Variants in BFSP2 observed in about 807,000 individuals in gnomAD.
BFSP2 encodes phakinin.
Under a neutral mutation model 44.9 loss-of-function variants are expected in BFSP2, and 38 were observed. The ratio of observed to expected loss-of-function variants is 0.85; its 90% CI spans 0.65 to 1.11. BFSP2 has a LOEUF of 1.11. Among genes scored for constraint, BFSP2 ranks in the 50% least tolerant of loss-of-function variants. The pLI is 0.00. For synonymous variants in BFSP2, 197 were observed against 209.9 expected, an observed-to-expected ratio of 0.94 and a Z score of 0.53; for missense variants, 525 against 533.0, an observed-to-expected ratio of 0.99 and a Z score of 0.15.
chr3:133,451,266 T>C (rs2073962665), intron 4 of BFSP2, among the ~76,000 whole-genome samples: 1 of 152,156 alleles, frequency 6.6e-6, no homozygotes, highest in Non-Finnish European at 1.5e-5. Context: ...TATCAGGCAG[T>C]TATTAGAATT....
intron 1 of BFSP2, among the ~76,000 whole-genome samples, chr3:133,440,143 G>A (rs1232565866): frequency 1.3e-5 from 2 of 152,166 alleles, no homozygotes; most frequent in Non-Finnish European, 2.9e-5. Flanking sequence ...CCATGTGCAG[G>A]GGAACTTCCC....
At chr3:133,431,754 T>A (rs2073722263) in intron 1 of BFSP2, among the ~76,000 whole-genome samples, 1 of 152,132 alleles carries the variant, frequency 6.6e-6, no homozygotes, top group African/African-American at 2.4e-5. Flanking sequence ...CTTGCCTCCA[T>A]AACTGTTGTG....
intron 2 of BFSP2, 101 bp downstream of exon 2, chr3:133,447,500 T>G: frequency 8.2e-7 from 1 of 1,214,414 alleles, no homozygotes; most frequent in East Asian, 2.5e-5. Flanking sequence ...ACCTTCTACC[T>G]CAGGGGAAGC....
At chr3:133,461,879 T>A (rs2074066800) in intron 4 of BFSP2, among the ~76,000 whole-genome samples, 1 of 152,238 alleles carries the variant, frequency 6.6e-6, no homozygotes, top group African/African-American at 2.4e-5. Context: ...TACTTATTTA[T>A]CTCCCCTTTC....
intron 4 of BFSP2, among the ~76,000 whole-genome samples, chr3:133,459,338 C>T (rs923255494): frequency 5.9e-5 from 9 of 152,076 alleles, no homozygotes; most frequent in African/African-American, 2.2e-4. Flanking sequence ...GGTGAGACCC[C>T]GTCTCAAAAT....
chr3:133,433,152 T>C (rs1212550130), intron 1 of BFSP2, among the ~76,000 whole-genome samples: 3 of 152,208 alleles, frequency 2.0e-5, no homozygotes, highest in Non-Finnish European at 2.9e-5. Context: ...TCCCACATTA[T>C]TCCTGATACC....
intron 1 of BFSP2, among the ~76,000 whole-genome samples, chr3:133,446,754 C>T (rs1258900406): frequency 6.7e-6 from 1 of 149,818 alleles, no homozygotes; most frequent in African/African-American, 2.5e-5. Context: ...CATGAAACCC[C>T]TAAACTATAT....
In BFSP2 at chr3:133,446,598, AT is replaced by A. The variant is rs1292810409; in HGVS notation, c.490-718del. Among the ~76,000 whole-genome samples, 12 of 32,422 alleles carry A rather than the reference AT, an allele frequency of 3.7e-4. 1 individual carries two copies. Among genetic ancestry groups the A allele is most frequent in the African/African-American group, 1.9e-3 (12 of 6,230 alleles). The allele number at this position is 32,422 out of a possible 152,430, so 21.3% of individuals were successfully genotyped here. ...TATATATATATATATATATATATAT[AT>A]ATATATATATATATATATATATATA... On this transcript the variant is annotated intron_variant, in intron 1 of 6. Transcript: ENST00000302334.
At chr3:133,423,569 G>A (rs1264389337) in intron 1 of BFSP2, among the ~76,000 whole-genome samples, 3 of 151,254 alleles carry the variant, frequency 2.0e-5, no homozygotes, top group Non-Finnish European at 4.4e-5. Context: ...AGGCGGCGGG[G>A]GCGGGGGTAG....
chr3:133,453,598 G>C (rs903003883), intron 4 of BFSP2, among the ~76,000 whole-genome samples: 3 of 152,194 alleles, frequency 2.0e-5, no homozygotes, highest in Non-Finnish European at 4.4e-5. Flanking sequence ...AAACGGTATA[G>C]ACTACAGGAG....
intron 1 of BFSP2, among the ~76,000 whole-genome samples, chr3:133,413,596 C>A (rs2073476937): frequency 6.6e-6 from 1 of 151,996 alleles, no homozygotes; most frequent in Non-Finnish European, 1.5e-5. Context: ...TCAATTTAGG[C>A]AAATAAAACC....
At chr3:133,433,781 C>T (rs1294685448) in intron 1 of BFSP2, among the ~76,000 whole-genome samples, 1 of 152,342 alleles carries the variant, frequency 6.6e-6, no homozygotes, top group South Asian at 2.1e-4. Flanking sequence ...CACACCTCAC[C>T]AAGCTCAGCC....
At chr3:133,453,235 T>C (rs953494122) in intron 4 of BFSP2, among the ~76,000 whole-genome samples, 3 of 152,254 alleles carry the variant, frequency 2.0e-5, no homozygotes, top group Non-Finnish European at 4.4e-5. Context: ...CATTTGCCCA[T>C]CCTGAGCATC....
At chr3:133,406,895 C>T (rs1413207085) in intron 1 of BFSP2, among the ~76,000 whole-genome samples, 9 of 152,046 alleles carry the variant, frequency 5.9e-5, no homozygotes, top group Admixed American at 5.9e-4. Flanking sequence ...TGAAGTAGCA[C>T]GTTATAAAAT....
intron 3 of BFSP2, among the ~76,000 whole-genome samples, chr3:133,449,503 TGTTTGTTTG>T (rs1396132486): frequency 4.0e-3 from 26 of 6,462 alleles, no homozygotes; most frequent in Non-Finnish European, 0.031. Flanking sequence ...TGTGGTTTTT[TGTTTGTTTG>T]TTTGTTTGTT....
At chr3:133,409,482 G>A (rs1425970213) in intron 1 of BFSP2, among the ~76,000 whole-genome samples, 1 of 152,054 alleles carries the variant, frequency 6.6e-6, no homozygotes, top group African/African-American at 2.4e-5. Context: ...AGAAGCAATG[G>A]CCAACTTAGC....
Position 133,466,959 on chromosome 3 carries a change from G to C in BFSP2, c.1023G>C (p.Leu341=). 3.7e-6 allele frequency: 6 copies of C among 1,613,958 alleles called. No individual in the cohort carries two copies. The highest frequency in any genetic ancestry group is 5.1e-6 in the Non-Finnish European group (6 of 1,179,944). ...CTGAGACAGAATCCTTACGTGCCCTGGTAAGTGGGCCAAGGAAAGACCTGG... is the reference window on the plus strand; with the variant it reads ...CTGAGACAGAATCCTTACGTGCCCTCGTAAGTGGGCCAAGGAAAGACCTGG... ...LQAETESLRA[L]KRGLENTLHD... is the part of the protein sequence containing the mutation. The change falls in exon 5 of 7, where the codon CTG becomes CTC. Residue 341 remains leucine, a splice_region_variant and synonymous_variant. Coordinates refer to ENST00000302334, the MANE Select transcript of BFSP2 (RefSeq NM_003571.4).
chr3:133,445,207 C>G (rs969178627), intron 1 of BFSP2, among the ~76,000 whole-genome samples: 3 of 152,152 alleles, frequency 2.0e-5, no homozygotes, highest in African/African-American at 7.2e-5. Flanking sequence ...AGACTGAGGG[C>G]TGGGAGTGGG....
chr3:133,474,714 G>A (rs1339320130), intron 6 of BFSP2, among the ~76,000 whole-genome samples: 1 of 152,150 alleles, frequency 6.6e-6, no homozygotes, highest in African/African-American at 2.4e-5. Flanking sequence ...GATTATTTTT[G>A]TTTATCCTCC....
Sources: allele counts gnomAD v4.1 joint callset (sites outside exome capture counted in the v4.1 genomes callset), GRCh38; gene constraint gnomAD v4.1.1; transcripts MANE v1.5; gene names NCBI Gene and HGNC (gene_info 2026-07-23, HGNC 2026-07-21).